The following RBFOX3 variants were observed in gnomAD, a reference collection of about 807,000 sequenced individuals.
RBFOX3 encodes the protein RNA binding fox-1 homolog 3, also known as RNA binding protein fox-1 homolog 3.
RBFOX3 carries 17 observed loss-of-function variants against 48.7 expected under a neutral mutation model. The observed-to-expected ratio is 0.35, with a 90% CI of 0.24 to 0.52. The LOEUF is 0.52. Ranked by LOEUF, RBFOX3 falls within the 20% of genes least tolerant of loss-of-function variation. The pLI is 0.94. For missense variants in RBFOX3, 382 were observed against 497.5 expected (o/e 0.77, Z 2.21); for synonymous variants, 212 against 209.5 (o/e 1.01, Z -0.10).
Position 79,423,309 on chromosome 17 carries a change from C to A in RBFOX3, c.-175+59145G>T, listed in dbSNP as rs1555723761. ...ACCGTCCTCGCCACGCCCCCATCGA[C>A]CAGGATGCCAGGAGCCAGGATGATT... On this transcript the variant is annotated intron_variant, in intron 2 of 14. Transcript: ENST00000693108. The surrounding 1 kb of genome is among the most constrained non-coding windows in gnomAD (Gnocchi z 4.9). Among the ~76,000 whole-genome samples, 1 of 152,204 alleles carries A rather than the reference C, an allele frequency of 6.6e-6. No homozygotes were observed. Among genetic ancestry groups the A allele is most frequent in the African/African-American group, 2.4e-5 (1 of 41,438 alleles).
chr17:79,161,708 G>A (rs1327506130), intron 4 of RBFOX3, among the ~76,000 whole-genome samples: 1 of 152,162 alleles, frequency 6.6e-6, no homozygotes, highest in Non-Finnish European at 1.5e-5. Flanking sequence ...CGATTCTCCT[G>A]CCTCAGCCTC....
intron 1 of RBFOX3, among the ~76,000 whole-genome samples, chr17:79,495,779 C>T (rs1164466648): frequency 6.7e-6 from 1 of 150,308 alleles, no homozygotes; most frequent in Admixed American, 6.6e-5. Context: ...GGGAGGGGTG[C>T]AGACATCCAC....
intron 2 of RBFOX3, among the ~76,000 whole-genome samples, chr17:79,470,482 G>T (rs1555756381): frequency 6.6e-6 from 1 of 152,142 alleles, no homozygotes; most frequent in African/African-American, 2.4e-5. Context: ...AAATTTCACA[G>T]GAAGGTGGCA....
intron 2 of RBFOX3, among the ~76,000 whole-genome samples, chr17:79,410,935 T>C (rs1010628157): frequency 6.6e-6 from 1 of 152,040 alleles, no homozygotes; most frequent in African/African-American, 2.4e-5. Context: ...TGGCACCTGC[T>C]CACACCCCTC....
intron 2 of RBFOX3, among the ~76,000 whole-genome samples, chr17:79,456,774 C>T (rs782181646): frequency 1.5e-4 from 23 of 152,094 alleles, no homozygotes; most frequent in Non-Finnish European, 2.9e-4. Context: ...CTGGCCCGGC[C>T]GGCTCTCTCG....
the RBFOX3 span, among the ~76,000 whole-genome samples, chr17:79,625,299 A>T: frequency 6.6e-6 from 1 of 152,242 alleles, no homozygotes; most frequent in African/African-American, 2.4e-5. Flanking sequence ...TTCCCTCAGC[A>T]CCATTCCCCA....
chr17:79,621,416 C>T, the RBFOX3 span, among the ~76,000 whole-genome samples: 1 of 150,578 alleles, frequency 6.6e-6, no homozygotes, highest in East Asian at 2.0e-4. Flanking sequence ...GCCAACGATA[C>T]CCAGCGAGGG....
chr17:79,352,070 C>T (rs1443772033), intron 2 of RBFOX3, among the ~76,000 whole-genome samples: 1 of 152,176 alleles, frequency 6.6e-6, no homozygotes, highest in Non-Finnish European at 1.5e-5. Context: ...GAACCAGCCC[C>T]ATCAGCACCC....
intron 1 of RBFOX3, among the ~76,000 whole-genome samples, chr17:79,538,142 C>G (rs1393672337): frequency 1.3e-5 from 2 of 152,210 alleles, no homozygotes; most frequent in African/African-American, 4.8e-5. Context: ...ACACAAACCC[C>G]CAAAACTTAA....
chr17:79,338,680 T>C (rs2081577180), intron 2 of RBFOX3, among the ~76,000 whole-genome samples: 1 of 152,196 alleles, frequency 6.6e-6, no homozygotes, highest in South Asian at 2.1e-4. Context: ...CCATTCCCTG[T>C]CCTTTTTGGA....
intron 3 of RBFOX3, among the ~76,000 whole-genome samples, chr17:79,272,058 G>A (rs760102568): frequency 2.6e-5 from 4 of 152,254 alleles, no homozygotes; most frequent in Admixed American, 6.5e-5. Context: ...TGGGAACGCC[G>A]AGGCTGAGAG....
intron 4 of RBFOX3, among the ~76,000 whole-genome samples, chr17:79,124,812 G>A (rs978578394): frequency 1.3e-5 from 2 of 152,202 alleles, no homozygotes; most frequent in Admixed American, 6.5e-5. Flanking sequence ...TGGTGACAGT[G>A]GGGGGTGGGA....
chr17:79,264,958 C>T (rs546998476), intron 3 of RBFOX3, among the ~76,000 whole-genome samples: 4 of 140,118 alleles, frequency 2.9e-5, no homozygotes, highest in South Asian at 2.3e-4. Flanking sequence ...ACCCTCAGTG[C>T]GAGAGGAGGG....
At chr17:79,360,826 CT>C (rs71365558) in intron 2 of RBFOX3, among the ~76,000 whole-genome samples, 40,857 of 145,618 alleles carry the variant, frequency 0.28, 6,233 homozygotes, top group African/African-American at 0.43. Flanking sequence ...GATCAAATTC[CT>C]TTTTTTTTTT....
chr17:79,662,201 C>G, the RBFOX3 span, among the ~76,000 whole-genome samples: 1 of 138,542 alleles, frequency 7.2e-6, no homozygotes, highest in Admixed American at 8.1e-5. Context: ...CTGCTCACTG[C>G]AAGCTCTGCC....
intron 2 of RBFOX3, among the ~76,000 whole-genome samples, chr17:79,336,282 G>A (rs2081176661): frequency 6.6e-6 from 1 of 152,142 alleles, no homozygotes; most frequent in South Asian, 2.1e-4. Context: ...AGCTACTCAG[G>A]AGGCTGAGGC....
chr17:79,541,449 T>C (rs1286817654), intron 1 of RBFOX3, among the ~76,000 whole-genome samples: 3 of 152,212 alleles, frequency 2.0e-5, no homozygotes, highest in South Asian at 2.1e-4. Context: ...TGTACCACCA[T>C]ACTTGGTGTA....
intron 4 of RBFOX3, among the ~76,000 whole-genome samples, chr17:79,118,865 A>T (rs1795953): frequency 0.56 from 84,232 of 150,490 alleles, 23,734 homozygotes; most frequent in African/African-American, 0.61. Context: ...TAGTCCCAGT[A>T]ATGTGGGAGG....
chr17:79,227,583 G>A (rs1378528955), intron 4 of RBFOX3, among the ~76,000 whole-genome samples: 4 of 152,236 alleles, frequency 2.6e-5, no homozygotes, highest in South Asian at 2.1e-4. Context: ...GCTCATTCCC[G>A]GCTGGCTGGG....
Sources: allele counts gnomAD v4.1 joint callset (sites outside exome capture counted in the v4.1 genomes callset), GRCh38; gene constraint gnomAD v4.1.1; non-coding constraint Gnocchi (gnomAD v3.1); transcripts MANE v1.5; gene names NCBI Gene and HGNC (gene_info 2026-07-23, HGNC 2026-07-21).